The following CRTC3 variants were observed in gnomAD, a reference collection of about 807,000 sequenced individuals.
CRTC3 encodes the protein CREB regulated transcription coactivator 3, also known as CREB-regulated transcription coactivator 3.
A neutral mutation model predicts 74.5 loss-of-function variants in CRTC3; 26 were observed. That is an observed-to-expected ratio of 0.35 (90% confidence interval 0.26 to 0.48). The LOEUF is 0.48. Ranked by LOEUF, CRTC3 falls within the 20% of genes least tolerant of loss-of-function variation. The pLI is 0.99. For synonymous variants in CRTC3, 377 were observed against 325.8 expected, an observed-to-expected ratio of 1.16 and a Z score of -1.69; for missense variants, 760 against 787.3, an observed-to-expected ratio of 0.97 and a Z score of 0.41.
In CRTC3 at chr15:90,544,191, G is replaced by T. The variant is rs188672556; in HGVS notation, c.231+4054G>T. Among the ~76,000 whole-genome samples the T allele has an allele frequency of 1.6e-4, 25 of 152,284 alleles. 1 individual carries two copies. In the East Asian group the frequency reaches 4.4e-3, roughly 27 times the overall value. ...CTCTTCCTAGCTTCCGTGGTCTGCG[G>T]CAGTCCTTAACTTGTAGCTGCATCA... On this transcript the variant is annotated intron_variant, in intron 2 of 14. Transcript: ENST00000268184.
chr15:90,635,020 A>C, intron 11 of CRTC3: 1 of 1,191,144 alleles, frequency 8.4e-7, no homozygotes, highest in South Asian at 1.2e-5. Flanking sequence ...ATTCTTGGAA[A>C]GTACATAGAC....
intron 10 of CRTC3, among the ~76,000 whole-genome samples, chr15:90,626,947 C>T (rs1968857797): frequency 6.6e-6 from 1 of 152,202 alleles, no homozygotes; most frequent in Admixed American, 6.5e-5. Context: ...TGATAATCCT[C>T]TTACTCCCAG....
chr15:90,553,996 T>C (rs1276743276), intron 2 of CRTC3, among the ~76,000 whole-genome samples: 1 of 152,206 alleles, frequency 6.6e-6, no homozygotes, highest in Non-Finnish European at 1.5e-5. Context: ...AGGGTCATAC[T>C]CTGAATCCAA....
At chr15:90,578,761 C>A (rs954542915) in intron 2 of CRTC3, among the ~76,000 whole-genome samples, 2 of 152,128 alleles carry the variant, frequency 1.3e-5, no homozygotes, top group Admixed American at 1.3e-4. Flanking sequence ...ATTGAGGATG[C>A]CTTGTCACTC....
chr15:90,641,521 C>T (rs1969441719), intron 14 of CRTC3, among the ~76,000 whole-genome samples: 1 of 152,046 alleles, frequency 6.6e-6, no homozygotes, highest in South Asian at 2.1e-4. Flanking sequence ...CACAGCGAAA[C>T]CCCGTCTCTA....
At chr15:90,615,578 G>A (rs1968471702) in intron 7 of CRTC3, among the ~76,000 whole-genome samples, 1 of 152,156 alleles carries the variant, frequency 6.6e-6, no homozygotes, top group Non-Finnish European at 1.5e-5. Flanking sequence ...TAATCCACTA[G>A]AACAGAAATT....
chr15:90,606,443 TC>T (rs1342985802), intron 5 of CRTC3, among the ~76,000 whole-genome samples: 5 of 151,850 alleles, frequency 3.3e-5, no homozygotes, highest in African/African-American at 1.2e-4. Context: ...ACGTCTATAA[TC>T]CCAGCTACAC....
chr15:90,558,002 C>A (rs1260002398), intron 2 of CRTC3, among the ~76,000 whole-genome samples: 1 of 152,014 alleles, frequency 6.6e-6, no homozygotes, highest in East Asian at 1.9e-4. Flanking sequence ...TGATTGGATT[C>A]CAGAGTACCT....
intron 2 of CRTC3, among the ~76,000 whole-genome samples, chr15:90,583,491 C>A (rs1967589645): frequency 6.6e-6 from 1 of 152,100 alleles, no homozygotes; most frequent in Non-Finnish European, 1.5e-5. Context: ...AGATTGGATC[C>A]CCAGATCAGC....
intron 1 of CRTC3, among the ~76,000 whole-genome samples, chr15:90,538,498 A>C (rs1966754279): frequency 6.6e-6 from 1 of 152,186 alleles, no homozygotes; most frequent in South Asian, 2.1e-4. Context: ...AAACAAGTAT[A>C]AGTCTTTATC....
chr15:90,625,451 G>T (rs2040147372), intron 9 of CRTC3, among the ~76,000 whole-genome samples: 1 of 152,180 alleles, frequency 6.6e-6, no homozygotes, highest in African/African-American at 2.4e-5. Context: ...CTAGCAAAAA[G>T]AACTACATAA....
intron 2 of CRTC3, among the ~76,000 whole-genome samples, chr15:90,543,986 T>G (rs1966839691): frequency 6.6e-6 from 1 of 152,222 alleles, no homozygotes; most frequent in Non-Finnish European, 1.5e-5. Context: ...GCATTTGAGA[T>G]TCATCTGGGT....
chr15:90,578,407 C>T lies in CRTC3; in HGVS notation c.232-15229C>T, dbSNP rs866437518. 7.9e-5 allele frequency among the ~76,000 whole-genome samples: 12 copies of T among 151,944 alleles called. No homozygotes were observed. The Middle Eastern group carries it at 0.02, about 258-fold the overall frequency. On this transcript the variant is annotated intron_variant, in intron 2 of 14. Coordinates refer to ENST00000268184, the MANE Select transcript of CRTC3 (RefSeq NM_022769.5). ...ACTAAAAATACAAAAATTAGCGAGG[C>T]GTGGTGGCATACACCTGTAATCCCA...
rs775167901 is a variant in CRTC3, at chr15:90,638,451, G to A, written c.1272G>A (p.Val424=). Residue 424 remains valine (V), a synonymous_variant, in exon 12 of 15, where the codon GTG becomes GTA. Coordinates refer to ENST00000268184, the MANE Select transcript of CRTC3 (RefSeq NM_022769.5). ...PLAPYPTSQM[V]SSDRSQLSFL... is the part of the protein sequence containing the mutation. ...TTTGTGTGTTTGTTTTGCAGATGGTGTCCTCAGACCGAAGCCAACTTTCCT... is the reference window on the plus strand; with the variant it reads ...TTTGTGTGTTTGTTTTGCAGATGGTATCCTCAGACCGAAGCCAACTTTCCT... 86 of 1,613,888 alleles carry A rather than the reference G, an allele frequency of 5.3e-5. 1 individual carries two copies. The South Asian group carries it at 8.9e-4, about 17-fold the overall frequency.
At chr15:90,590,908 G>A (rs1303481254) in intron 2 of CRTC3, among the ~76,000 whole-genome samples, 1 of 152,150 alleles carries the variant, frequency 6.6e-6, no homozygotes, top group Non-Finnish European at 1.5e-5. Context: ...GCCAGCAGCA[G>A]GGTTAATGCA....
chr15:90,627,414 CT>C (rs1488211859), intron 10 of CRTC3, among the ~76,000 whole-genome samples: 48 of 152,180 alleles, frequency 3.2e-4, no homozygotes, highest in Non-Finnish European at 5.7e-4. Context: ...TGGGTGAATC[CT>C]CAATGTATGA....
intron 2 of CRTC3, among the ~76,000 whole-genome samples, chr15:90,584,468 C>T (rs568823188): frequency 6.6e-6 from 1 of 152,182 alleles, no homozygotes; most frequent in East Asian, 1.9e-4. Context: ...AACTCCTGAC[C>T]TCAGGTGATC....
chr15:90,589,515 C>G (rs1967749272), intron 2 of CRTC3, among the ~76,000 whole-genome samples: 1 of 152,126 alleles, frequency 6.6e-6, no homozygotes, highest in South Asian at 2.1e-4. Flanking sequence ...CATCACCACA[C>G]CAGCTAATTT....
At chr15:90,536,162 A>G (rs1966715922) in intron 1 of CRTC3, among the ~76,000 whole-genome samples, 1 of 152,134 alleles carries the variant, frequency 6.6e-6, no homozygotes, top group Non-Finnish European at 1.5e-5. Context: ...CTTTTTGACA[A>G]TAGCACACTG....
Sources: gnomAD v4.1 joint callset for allele counts (sites outside exome capture counted in the v4.1 genomes callset) on GRCh38, gnomAD v4.1.1 for gene constraint, MANE v1.5 for transcripts, NCBI Gene and HGNC (gene_info 2026-07-23, HGNC 2026-07-21) for gene names.